CCSER1: variants seen among roughly 807,000 people sequenced by gnomAD.
CCSER1 encodes the protein coiled-coil serine rich protein 1, also known as serine-rich coiled-coil domain-containing protein 1.
CCSER1 carries 41 observed loss-of-function variants against 82.0 expected under a neutral mutation model. The observed-to-expected ratio is 0.50, with a 90% CI of 0.39 to 0.65. CCSER1 has a LOEUF of 0.65. Ranked by LOEUF, CCSER1 falls within the 30% of genes least tolerant of loss-of-function variation. The probability of loss-of-function intolerance (pLI) is 0.00; values close to 1 mark genes in which losing one functional copy is unlikely to be tolerated. For missense variants in CCSER1, 1,119 were observed against 1,064.2 expected, an observed-to-expected ratio of 1.05 and a Z score of -0.72; for synonymous variants, 414 against 383.9, an observed-to-expected ratio of 1.08 and a Z score of -0.92.
At chr4:91,374,768 G>A (rs1054348711) in intron 10 of CCSER1, among the ~76,000 whole-genome samples, 1 of 152,170 alleles carries the variant, frequency 6.6e-6, no homozygotes, top group African/African-American at 2.4e-5. Context: ...GGCCGAGGTG[G>A]GTGAATCTCT....
At chr4:90,876,711 A>G (rs1767253344) in intron 8 of CCSER1, among the ~76,000 whole-genome samples, 1 of 152,026 alleles carries the variant, frequency 6.6e-6, no homozygotes, top group African/African-American at 2.4e-5. Context: ...CACTCTAGCC[A>G]TTGCCTGTGT....
intron 1 of CCSER1, among the ~76,000 whole-genome samples, chr4:90,297,448 G>A (rs1279211875): frequency 7.9e-5 from 12 of 152,032 alleles, no homozygotes; most frequent in Admixed American, 2.6e-4. Context: ...AACAGGGACA[G>A]TTTGACTTCC....
intron 10 of CCSER1, among the ~76,000 whole-genome samples, chr4:91,453,136 G>C (rs564965945): frequency 6.6e-6 from 1 of 152,050 alleles, no homozygotes; most frequent in African/African-American, 2.4e-5. Flanking sequence ...TTATCATTTG[G>C]TCATTTAGAG....
intron 1 of CCSER1, among the ~76,000 whole-genome samples, chr4:90,154,366 T>C (rs1023862413): frequency 1.3e-5 from 2 of 152,230 alleles, no homozygotes; most frequent in Non-Finnish European, 2.9e-5. Context: ...ATGCGGGCTC[T>C]TTTTTGGTTC....
chr4:91,468,123 C>G (rs1357607094), intron 10 of CCSER1, among the ~76,000 whole-genome samples: 1 of 152,094 alleles, frequency 6.6e-6, no homozygotes, highest in Non-Finnish European at 1.5e-5. Context: ...CAGTGATAGA[C>G]TGGATTAAGA....
intron 9 of CCSER1, among the ~76,000 whole-genome samples, chr4:90,964,975 C>A (rs1423737360): frequency 6.6e-6 from 1 of 151,902 alleles, no homozygotes; most frequent in East Asian, 1.9e-4. Context: ...AAAAGATCAC[C>A]TTTGTAGCCA....
intron 7 of CCSER1, among the ~76,000 whole-genome samples, chr4:90,790,817 C>T (rs999984586): frequency 6.6e-6 from 1 of 152,130 alleles, no homozygotes; most frequent in Non-Finnish European, 1.5e-5. Flanking sequence ...CCAAGCTTTC[C>T]CACATTTTCC....
intron 7 of CCSER1, among the ~76,000 whole-genome samples, chr4:90,730,990 A>G (rs902771303): frequency 1.3e-5 from 2 of 152,154 alleles, no homozygotes. Context: ...GAATGACATA[A>G]TCAGACTATT....
chr4:91,023,784 C>T (rs1740234105), intron 9 of CCSER1, among the ~76,000 whole-genome samples: 1 of 152,140 alleles, frequency 6.6e-6, no homozygotes, highest in Non-Finnish European at 1.5e-5. Context: ...AAAGCAATGG[C>T]AACAAAAGCC....
At chr4:91,044,374 A>G (rs1172574941) in intron 9 of CCSER1, among the ~76,000 whole-genome samples, 1 of 152,236 alleles carries the variant, frequency 6.6e-6, no homozygotes, top group Non-Finnish European at 1.5e-5. Context: ...GAGGAAATAT[A>G]ATCCTACAGA....
At chr4:90,505,449 G>C (rs1770553033) in intron 5 of CCSER1, among the ~76,000 whole-genome samples, 1 of 152,210 alleles carries the variant, frequency 6.6e-6, no homozygotes, top group Non-Finnish European at 1.5e-5. Flanking sequence ...TTAGGTCTAA[G>C]TGATGCTGAT....
intron 5 of CCSER1, among the ~76,000 whole-genome samples, chr4:90,471,494 T>C (rs1764389757): frequency 6.6e-6 from 1 of 152,112 alleles, no homozygotes; most frequent in Non-Finnish European, 1.5e-5. Context: ...TTCTTTTTAA[T>C]ATGGGAGATA....
At chr4:90,724,062 A>T in intron 7 of CCSER1, 71 bp downstream of exon 7, 1 of 929,240 alleles carries the variant, frequency 1.1e-6, no homozygotes, top group Non-Finnish European at 1.7e-6. Context: ...AAAATAGTTT[A>T]TGTGTAGATG....
At chr4:90,330,712 G>C (rs941356270) in intron 3 of CCSER1, among the ~76,000 whole-genome samples, 1 of 152,178 alleles carries the variant, frequency 6.6e-6, no homozygotes, top group Admixed American at 6.5e-5. Flanking sequence ...AACAAAAGAA[G>C]TTGGGATGCC....
At chr4:90,605,834 A>G (rs1344407045) in intron 5 of CCSER1, among the ~76,000 whole-genome samples, 3 of 152,078 alleles carry the variant, frequency 2.0e-5, no homozygotes, top group Non-Finnish European at 2.9e-5. Context: ...TCAAAATGTT[A>G]AGACAATAAA....
At chr4:91,450,100 T>A (rs1755789716) in intron 10 of CCSER1, among the ~76,000 whole-genome samples, 1 of 100,228 alleles carries the variant, frequency 1.0e-5, no homozygotes, top group Admixed American at 1.0e-4. Context: ...AAACAAAGCC[T>A]CACAATGGCT....
chr4:91,367,034 C>T (rs773341561), intron 10 of CCSER1, among the ~76,000 whole-genome samples: 2 of 147,870 alleles, frequency 1.4e-5, no homozygotes, highest in Non-Finnish European at 3.0e-5. Context: ...TGGCTCTTGC[C>T]TATAATCCTA....
chr4:91,211,510 T>C (rs574891649), intron 10 of CCSER1, among the ~76,000 whole-genome samples: 2 of 152,210 alleles, frequency 1.3e-5, no homozygotes, highest in East Asian at 3.9e-4. Flanking sequence ...ATCTAAATTA[T>C]TGAGAAATAA....
intron 5 of CCSER1, among the ~76,000 whole-genome samples, chr4:90,525,129 G>C (rs537196831): frequency 2.2e-4 from 34 of 151,542 alleles, no homozygotes; most frequent in Non-Finnish European, 4.4e-4. Flanking sequence ...TAAAAAAAAA[G>C]CAAATCTCAT....
Sources: allele counts gnomAD v4.1 joint callset (sites outside exome capture counted in the v4.1 genomes callset), GRCh38; gene constraint gnomAD v4.1.1; transcripts MANE v1.5; gene names NCBI Gene and HGNC (gene_info 2026-07-23, HGNC 2026-07-21).